Variants in COL25A1 observed in about 807,000 individuals in gnomAD.
COL25A1 encodes collagen type XXV alpha 1 chain, also known as collagen alpha-1(XXV) chain.
A neutral mutation model predicts 128.4 loss-of-function variants in COL25A1; 103 were observed. The ratio of observed to expected loss-of-function variants is 0.80; its 90% CI spans 0.68 to 0.94. COL25A1 has a LOEUF of 0.94. Ranked by LOEUF, COL25A1 falls within the 40% of genes least tolerant of loss-of-function variation. The probability of loss-of-function intolerance (pLI) is 0.00; values close to 1 mark genes in which losing one functional copy is unlikely to be tolerated. For synonymous variants in COL25A1, 279 were observed against 277.2 expected (o/e 1.01, Z -0.06); for missense variants, 745 against 840.0 (o/e 0.89, Z 1.40).
chr4:108,824,590 T>C (rs562864136), intron 34 of COL25A1, among the ~76,000 whole-genome samples: 1 of 152,328 alleles, frequency 6.6e-6, no homozygotes, highest in East Asian at 1.9e-4. Context: ...CAGACAGCTG[T>C]TGTGAATGTT....
intron 5 of COL25A1, among the ~76,000 whole-genome samples, chr4:109,047,447 A>C (rs936423543): frequency 6.6e-6 from 1 of 152,076 alleles, no homozygotes; most frequent in African/African-American, 2.4e-5. Context: ...AAGGCATAAG[A>C]ATGACACAAT....
At chr4:109,119,265 T>C (rs1441268307) in intron 3 of COL25A1, among the ~76,000 whole-genome samples, 1 of 151,592 alleles carries the variant, frequency 6.6e-6, no homozygotes, top group Admixed American at 6.6e-5. Context: ...AGAAGAAATA[T>C]CTAAAATTAA....
chr4:109,096,478 A>G (rs148977649), intron 3 of COL25A1, among the ~76,000 whole-genome samples: 1 of 127,286 alleles, frequency 7.9e-6, no homozygotes, highest in African/African-American at 3.1e-5. Flanking sequence ...CATGCTGTAC[A>G]GGTTGGTACC....
At chr4:108,970,401 G>T (rs1043269081) in intron 8 of COL25A1, among the ~76,000 whole-genome samples, 6 of 151,978 alleles carry the variant, frequency 3.9e-5, no homozygotes, top group Non-Finnish European at 8.8e-5. Flanking sequence ...ATTGGCAAAT[G>T]GAATATTATT....
At chr4:109,096,209 A>G (rs1765386883) in intron 3 of COL25A1, among the ~76,000 whole-genome samples, 1 of 152,178 alleles carries the variant, frequency 6.6e-6, no homozygotes. Context: ...AGACAATAAA[A>G]CTTTACTTCT....
At chr4:109,145,785 GA>G (rs1770883418) in intron 3 of COL25A1, among the ~76,000 whole-genome samples, 1 of 152,110 alleles carries the variant, frequency 6.6e-6, no homozygotes, top group Non-Finnish European at 1.5e-5. Flanking sequence ...AGGTTGCAGT[GA>G]GCCAAGATCG....
At chr4:108,883,398 AAG>A (rs1740375749) in intron 19 of COL25A1, among the ~76,000 whole-genome samples, 2 of 152,162 alleles carry the variant, frequency 1.3e-5, no homozygotes, top group Non-Finnish European at 2.9e-5. Flanking sequence ...AGAACAACAA[AAG>A]AAAATGTATT....
At chr4:108,984,468 G>C (rs1327426926) in intron 6 of COL25A1, among the ~76,000 whole-genome samples, 2 of 151,796 alleles carry the variant, frequency 1.3e-5, no homozygotes, top group African/African-American at 4.8e-5. Context: ...GGCTCCCGCC[G>C]CACAGGAGAC....
At chr4:109,076,306 G>T (rs1763368969) in intron 3 of COL25A1, among the ~76,000 whole-genome samples, 1 of 152,130 alleles carries the variant, frequency 6.6e-6, no homozygotes, top group Admixed American at 6.6e-5. Context: ...TCTGCTTTGT[G>T]CTTCACAGTA....
chr4:108,985,747 TTTTG>T (rs1359761513), intron 6 of COL25A1, among the ~76,000 whole-genome samples: 1 of 152,190 alleles, frequency 6.6e-6, no homozygotes, highest in Non-Finnish European at 1.5e-5. Context: ...TCTAAACCTT[TTTTG>T]TTTTTTACTC....
intron 6 of COL25A1, among the ~76,000 whole-genome samples, chr4:108,992,644 C>A (rs972945155): frequency 6.6e-6 from 1 of 152,008 alleles, no homozygotes; most frequent in Non-Finnish European, 1.5e-5. Context: ...GATTAAATAT[C>A]AATGTAAATA....
Position 109,069,737 on chromosome 4 carries a change from C to A in COL25A1, c.368-19558G>T, listed in dbSNP as rs1196326254. ...CTCTCTGTAAATGAAATCTTCATAT[C>A]CCTCTATGGCGCTATTTTCTTTTCC... On this transcript the variant is annotated intron_variant, in intron 3 of 37. Transcript: ENST00000399132. 3.9e-5 allele frequency among the ~76,000 whole-genome samples: 6 copies of A among 152,236 alleles called. No homozygotes were observed. In the East Asian group the frequency reaches 7.7e-4, roughly 20 times the overall value.
intron 5 of COL25A1, among the ~76,000 whole-genome samples, chr4:109,013,375 C>G (rs1350984065): frequency 6.6e-6 from 1 of 152,184 alleles, no homozygotes; most frequent in Non-Finnish European, 1.5e-5. Context: ...AAAAATGGAC[C>G]AGTCAGCTCT....
intron 3 of COL25A1, among the ~76,000 whole-genome samples, chr4:109,271,423 A>T (rs1056394128): frequency 2.0e-5 from 3 of 152,236 alleles, no homozygotes; most frequent in Non-Finnish European, 4.4e-5. Context: ...AAGAGAATAA[A>T]TAGTCTTTCC....
At position 109,195,823 on chromosome 4, in the gene COL25A1, A is replaced by T. The variant is rs78642581; in HGVS notation, c.367+104760T>A. Among the ~76,000 whole-genome samples the T allele has an allele frequency of 2.6e-5, 4 of 152,296 alleles. No individual in the cohort carries two copies. The East Asian group carries it at 7.7e-4, about 29-fold the overall frequency. On this transcript the variant is annotated intron_variant, in intron 3 of 37. Coordinates refer to ENST00000399132, the MANE Select transcript of COL25A1 (RefSeq NM_198721.4). ...AATGTTTGATTCTGGAAACAAATCC[A>T]TAACAAGAATAGAGTACAGAACAAA...
At chr4:109,189,831 C>A (rs1421074539) in intron 3 of COL25A1, among the ~76,000 whole-genome samples, 2 of 152,010 alleles carry the variant, frequency 1.3e-5, no homozygotes, top group African/African-American at 4.8e-5. Flanking sequence ...GCCTCTTAAG[C>A]CACTGATATT....
At chr4:108,866,501 CT>C (rs1737942701) in intron 20 of COL25A1, among the ~76,000 whole-genome samples, 1 of 152,152 alleles carries the variant, frequency 6.6e-6, no homozygotes, top group African/African-American at 2.4e-5. Context: ...GCCCCTCCCC[CT>C]ATTTCCTTAG....
intron 3 of COL25A1, among the ~76,000 whole-genome samples, chr4:109,207,454 C>T (rs1777105411): frequency 6.6e-6 from 1 of 152,144 alleles, no homozygotes; most frequent in African/African-American, 2.4e-5. Context: ...ACTCTCACTC[C>T]TGATGGCTTG....
chr4:109,048,724 A>G (rs1021646341), intron 4 of COL25A1, among the ~76,000 whole-genome samples: 35 of 152,280 alleles, frequency 2.3e-4, no homozygotes, highest in African/African-American at 8.4e-4. Context: ...TTCACACACC[A>G]TTATGCTCAA....
Sources: allele counts gnomAD v4.1 joint callset (sites outside exome capture counted in the v4.1 genomes callset), GRCh38; gene constraint gnomAD v4.1.1; transcripts MANE v1.5; gene names NCBI Gene and HGNC (gene_info 2026-07-23, HGNC 2026-07-21).